The following LTF variants were observed in gnomAD, a reference collection of about 807,000 sequenced individuals.
LTF encodes lactotransferrin.
Under a neutral mutation model 87.2 loss-of-function variants are expected in LTF, and 91 were observed. The observed-to-expected ratio is 1.04, with a 90% CI of 0.88 to 1.24. LTF has a LOEUF of 1.24. Among genes scored for constraint, LTF ranks in the 50% most tolerant of loss-of-function variants. The pLI, the probability that LTF is intolerant of heterozygous loss-of-function variation, is 0.00. For synonymous variants in LTF, 378 were observed against 356.1 expected, an observed-to-expected ratio of 1.06 and a Z score of -0.69; for missense variants, 901 against 904.3, an observed-to-expected ratio of 1.00 and a Z score of 0.05.
intron 1 of LTF, among the ~76,000 whole-genome samples, chr3:46,473,074 A>G (rs1355399649): frequency 2.6e-5 from 4 of 151,796 alleles, no homozygotes; most frequent in African/African-American, 9.7e-5. Flanking sequence ...GTTCCTTTCC[A>G]TTCCATGGTC....
Position 46,450,600 on chromosome 3 carries a change from G to A in LTF, c.777C>T (p.Asp259=). ...LCPDNTRKPV[D]KFKDCHLARV... ...GGGCCAGATGGCAGTCTTTGAACTT[G>A]TCCACTGGCTTCCGAGTGTTGTCTG... The change falls in exon 7 of 17, where the codon GAC becomes GAT. Residue 259 remains aspartate (D), a synonymous_variant. Coordinates refer to ENST00000231751, the MANE Select transcript of LTF (RefSeq NM_002343.6). 3 of 1,614,178 alleles carry A rather than the reference G, an allele frequency of 1.9e-6. No homozygotes were observed. Among genetic ancestry groups the A allele is most frequent in the Non-Finnish European group, 2.5e-6 (3 of 1,180,028 alleles).
At chr3:46,482,488 G>A (rs1445468234) in intron 1 of LTF, among the ~76,000 whole-genome samples, 1 of 1,346 alleles carries the variant, frequency 7.4e-4, no homozygotes, top group African/African-American at 2.2e-3. Context: ...GGAGAAGGAA[G>A]GGAAGGGAAG....
chr3:46,441,825 T>A (rs1463592113), intron 13 of LTF: 3 of 215,506 alleles, frequency 1.4e-5, no homozygotes, highest in South Asian at 1.8e-4. Context: ...CAGCAACCAG[T>A]CCAAACTGCA....
At chr3:46,438,236 TG>T (rs1559590438) in intron 15 of LTF, 107 bp from the exon 16 acceptor site, 1 of 929,100 alleles carries the variant, frequency 1.1e-6, no homozygotes, top group East Asian at 2.4e-5. Context: ...GAGAAAACCA[TG>T]GGGCAGAAGG....
chr3:46,463,188 C>T (rs1219788925), intron 1 of LTF, among the ~76,000 whole-genome samples: 1 of 152,226 alleles, frequency 6.6e-6, no homozygotes, highest in African/African-American at 2.4e-5. Flanking sequence ...CACTCAGATG[C>T]TGCCCACTGG....
At chr3:46,464,724 C>CCCCGCG (rs1703171012) in intron 1 of LTF, 101 bp downstream of exon 1, 1 of 1,349,958 alleles carries the variant, frequency 7.4e-7, no homozygotes, top group South Asian at 1.2e-5. Context: ...GGCGCAGAGA[C>CCCCGCG]CCCGCGCCCA....
At chr3:46,451,190 A>G (rs981571806) in intron 6 of LTF, among the ~76,000 whole-genome samples, 1 of 152,260 alleles carries the variant, frequency 6.6e-6, no homozygotes, top group Admixed American at 6.5e-5. Context: ...AATATCATAT[A>G]TAAGTTGCTT....
At chr3:46,468,212 G>C (rs186489343), upstream of LTF, 837 of 456,744 alleles carry the variant, frequency 1.8e-3, 9 homozygotes, top group Middle Eastern at 0.013. Flanking sequence ...GCCTAAGCCA[G>C]GCCATGCCAA....
intron 5 of LTF, among the ~76,000 whole-genome samples, chr3:46,454,932 C>A (rs77015768): frequency 4.7e-4 from 72 of 152,356 alleles, no homozygotes; most frequent in African/African-American, 1.7e-3. Context: ...GACTGGACAT[C>A]TCATGACAAG....
At chr3:46,475,434 GA>G (rs1291949605) in intron 1 of LTF, among the ~76,000 whole-genome samples, 9 of 151,978 alleles carry the variant, frequency 5.9e-5, no homozygotes, top group Admixed American at 6.6e-5. Context: ...TAGCAAGAGA[GA>G]AAAAGGAGAG....
At position 46,436,037 on chromosome 3, in the gene LTF, T is replaced by G. The variant is rs1434949182; in HGVS notation, c.*158A>C. On this transcript the variant is annotated 3_prime_UTR_variant, in exon 17 of 17. Coordinates refer to ENST00000231751, the MANE Select transcript of LTF (RefSeq NM_002343.6). ...AGAATATCAACAAAATTTCTCATTT[T>G]ACTTCTTGCTAAGACGACAGCAGGG... 1.5e-6 allele frequency: 1 copy of G among 673,886 alleles called. No homozygotes were observed. The highest frequency in any genetic ancestry group is 2.6e-5 in the East Asian group (1 of 38,860). 41.7% of individuals were successfully genotyped at this position (673,886 alleles called of 1,614,324 possible).
At chr3:46,468,451 G>A, upstream of LTF, 1 of 404,458 alleles carries the variant, frequency 2.5e-6, no homozygotes, top group South Asian at 1.8e-5. Context: ...AGATGTGTGA[G>A]GCTGACTCCC....
At chr3:46,445,550 C>T in intron 11 of LTF, 114 bp from the exon 12 acceptor site, 1 of 824,162 alleles carries the variant, frequency 1.2e-6, no homozygotes, top group Non-Finnish European at 1.9e-6. Flanking sequence ...CAACACCAGG[C>T]AATGATTCCC....
intron 1 of LTF, among the ~76,000 whole-genome samples, chr3:46,482,840 A>C (rs1189249477): frequency 6.6e-6 from 1 of 151,802 alleles, no homozygotes; most frequent in African/African-American, 2.4e-5. Context: ...GGAGGAAGGG[A>C]GGGAGGGACA....
At chr3:46,449,754 A>C (rs1234866920) in intron 8 of LTF, 100 bp downstream of exon 8, 1 of 1,250,578 alleles carries the variant, frequency 8.0e-7, no homozygotes, top group Non-Finnish European at 1.1e-6. Context: ...ATGACCCCAC[A>C]GTGTCTGGGA....
At chr3:46,471,518 C>A (rs1703286139) in intron 1 of LTF, among the ~76,000 whole-genome samples, 2 of 152,206 alleles carry the variant, frequency 1.3e-5, no homozygotes, top group Admixed American at 6.5e-5. Context: ...AGCTGTGCAT[C>A]CCCAGGGTCC....
At chr3:46,472,488 T>G (rs866398254) in intron 1 of LTF, among the ~76,000 whole-genome samples, 1 of 106,888 alleles carries the variant, frequency 9.4e-6, no homozygotes, top group African/African-American at 3.9e-5. Flanking sequence ...GAAAAGATTA[T>G]TGTGTGTGTG....
At chr3:46,474,282 C>A (rs1350897686) in intron 1 of LTF, among the ~76,000 whole-genome samples, 8 of 151,948 alleles carry the variant, frequency 5.3e-5, no homozygotes, top group Admixed American at 3.3e-4. Flanking sequence ...ACCATGCAAA[C>A]ATTAATAAAA....
In LTF at chr3:46,441,577, A is replaced by G. The variant is rs112921766; in HGVS notation, c.1656-94T>C. 1,024 of 886,818 alleles carry G rather than the reference A, an allele frequency of 1.2e-3. 9 individuals carry two copies. In the African/African-American group the frequency reaches 0.014, roughly 12 times the overall value. 54.9% of individuals were successfully genotyped at this position (886,818 alleles called of 1,614,324 possible). A position where few individuals can be genotyped will look rare whatever the true frequency, so the allele number is the denominator to read the frequency against. ...TAATATGCATTCCAAAAACTGAAAT[A>G]TGGAAGTAAACATCTAAAAGACAAC... is the stretch of plus-strand genomic sequence containing the variant. On this transcript the variant is annotated intron_variant, in intron 13 of 16. Coordinates refer to ENST00000231751, the MANE Select transcript of LTF (RefSeq NM_002343.6).
Sources: gnomAD v4.1 joint callset for allele counts (sites outside exome capture counted in the v4.1 genomes callset) on GRCh38, gnomAD v4.1.1 for gene constraint, MANE v1.5 for transcripts, NCBI Gene and HGNC (gene_info 2026-07-23, HGNC 2026-07-21) for gene names.